PSD3: variants seen among roughly 807,000 people sequenced by gnomAD.
PSD3 encodes pleckstrin and Sec7 domain containing 3.
A neutral mutation model predicts 105.5 loss-of-function variants in PSD3; 49 were observed. The ratio of observed to expected loss-of-function variants is 0.46; its 90% CI spans 0.37 to 0.59. The LOEUF is 0.59. Among genes scored for constraint, PSD3 ranks in the 20% least tolerant of loss-of-function variants. The probability of loss-of-function intolerance (pLI) is 0.00; values close to 1 mark genes in which losing one functional copy is unlikely to be tolerated. For missense variants in PSD3, 1,561 were observed against 1,263.8 expected (o/e 1.24, Z -3.57); for synonymous variants, 557 against 457.8 (o/e 1.22, Z -2.77).
In PSD3 at chr8:18,599,578, G is replaced by A. The variant is rs527835659; in HGVS notation, c.2481+786C>T. 1.1e-3 allele frequency among the ~76,000 whole-genome samples: 172 copies of A among 152,250 alleles called. 1 individual carries two copies. Among genetic ancestry groups the A allele is most frequent in the African/African-American group, 3.9e-3 (160 of 41,552 alleles). ...ATGTATTCTAAGACCCCCAGTGGAC[G>A]CCTGAAATTTTGAATAGTACGAGAC... is the stretch of plus-strand genomic sequence containing the variant. On this transcript the variant is annotated intron_variant, in intron 12 of 15. Coordinates refer to ENST00000327040, the MANE Select transcript of PSD3 (RefSeq NM_015310.4).
chr8:18,544,090 T>C lies in PSD3; in HGVS notation c.2929-8132A>G, dbSNP rs118095656. On this transcript the variant is annotated intron_variant, in intron 15 of 15. Transcript: ENST00000327040. Reference sequence around the variant, plus strand: ...GGCAAAAGGCCATCTTAAGACAAAATGAGCAGAAAAGCAATAATCTCATGT... The same window carrying C: ...GGCAAAAGGCCATCTTAAGACAAAACGAGCAGAAAAGCAATAATCTCATGT... Among the ~76,000 whole-genome samples the C allele has an allele frequency of 3.0e-4, 44 of 144,468 alleles. No individual in the cohort carries two copies. The East Asian group carries it at 8.8e-3, about 29-fold the overall frequency. The allele number at this position is 144,468 out of a possible 152,430, so 94.8% of individuals were successfully genotyped here. A position where few individuals can be genotyped will look rare whatever the true frequency, so the allele number is the denominator to read the frequency against.
rs1183288341 is a variant in PSD3 at position 18,799,368 on chromosome 8, A to G, written c.2024-15T>C. The G allele has an allele frequency of 6.4e-7, 1 of 1,566,708 alleles. No individual in the cohort carries two copies. The highest frequency in any genetic ancestry group is 2.3e-5 in the East Asian group (1 of 43,798). On this transcript the variant is annotated splice_polypyrimidine_tract_variant and intron_variant, in intron 7 of 15. Transcript: ENST00000327040. The stretch of plus-strand genomic sequence containing the variant: ...ATGGACTCCATCTAAAGAAAGATAC[A>G]AGAAAAAAAAGCATGAATTCGCTTT...
At chr8:19,013,423 C>A in intron 1 of PSD3, 140 bp downstream of exon 1, 1 of 1,144,732 alleles carries the variant, frequency 8.7e-7, no homozygotes, top group South Asian at 1.4e-5. Flanking sequence ...AAAATCGCAC[C>A]CTGCACCTAT....
At chr8:18,715,635 C>T (rs1802534012) in intron 9 of PSD3, among the ~76,000 whole-genome samples, 1 of 152,132 alleles carries the variant, frequency 6.6e-6, no homozygotes, top group Non-Finnish European at 1.5e-5. Flanking sequence ...AAGTGTTTCC[C>T]AAACACAGGC....
chr8:18,990,280 T>G (rs1348530913), intron 1 of PSD3, among the ~76,000 whole-genome samples: 3 of 152,252 alleles, frequency 2.0e-5, no homozygotes, highest in Non-Finnish European at 2.9e-5. Flanking sequence ...GTACCCTCCT[T>G]TAGCCGTAAG....
chr8:18,594,792 A>G (rs1803967687), intron 12 of PSD3, among the ~76,000 whole-genome samples: 8 of 152,034 alleles, frequency 5.3e-5, no homozygotes, highest in Admixed American at 5.3e-4. Flanking sequence ...TACTCATGAT[A>G]CCTAATAAAA....
intron 1 of PSD3, among the ~76,000 whole-genome samples, chr8:19,035,297 T>A (rs1827903490): frequency 1.3e-5 from 2 of 152,222 alleles, no homozygotes; most frequent in African/African-American, 4.8e-5. Context: ...CATTTCTGTG[T>A]ATCTCTATTT....
intron 10 of PSD3, among the ~76,000 whole-genome samples, chr8:18,650,988 T>G (rs1304614083): frequency 2.6e-5 from 4 of 152,200 alleles, no homozygotes; most frequent in African/African-American, 9.6e-5. Flanking sequence ...GATGAACACT[T>G]CTTGACTTAA....
chr8:18,564,949 G>C (rs1283664453), intron 14 of PSD3, among the ~76,000 whole-genome samples: 1 of 152,148 alleles, frequency 6.6e-6, no homozygotes, highest in African/African-American at 2.4e-5. Context: ...ACTTTTATAA[G>C]ACAATGGTTG....
chr8:18,807,708 C>G (rs927103811), intron 4 of PSD3, among the ~76,000 whole-genome samples: 2 of 152,168 alleles, frequency 1.3e-5, no homozygotes, highest in African/African-American at 4.8e-5. Flanking sequence ...TTTCCCAATA[C>G]ACATGCCTAC....
At chr8:18,681,282 A>G (rs1018978373) in intron 9 of PSD3, among the ~76,000 whole-genome samples, 1 of 152,080 alleles carries the variant, frequency 6.6e-6, no homozygotes, top group African/African-American at 2.4e-5. Context: ...AAAGAGTCAG[A>G]TAATCAAAAA....
chr8:18,725,472 C>T (rs761115130), intron 9 of PSD3, among the ~76,000 whole-genome samples: 7 of 152,086 alleles, frequency 4.6e-5, no homozygotes, highest in African/African-American at 9.7e-5. Flanking sequence ...TTCCTTCAAG[C>T]GGGCTAGCTT....
chr8:19,064,611 T>G (rs953374298), intron 1 of PSD3, among the ~76,000 whole-genome samples: 22 of 152,228 alleles, frequency 1.4e-4, no homozygotes, highest in African/African-American at 5.1e-4. Context: ...ATTAATCTTC[T>G]GAATGTGATG....
chr8:18,753,696 T>C (rs1032657547), intron 9 of PSD3, among the ~76,000 whole-genome samples: 1 of 152,184 alleles, frequency 6.6e-6, no homozygotes, highest in Non-Finnish European at 1.5e-5. Context: ...CATTTTCTGA[T>C]TGAAGGTAAT....
At chr8:18,627,589 A>G (rs1806581882) in intron 11 of PSD3, among the ~76,000 whole-genome samples, 1 of 152,082 alleles carries the variant, frequency 6.6e-6, no homozygotes, top group Non-Finnish European at 1.5e-5. Context: ...ATTAATGGAA[A>G]TATTTAAATA....
At chr8:18,599,808 G>T (rs1420171014) in intron 12 of PSD3, among the ~76,000 whole-genome samples, 1 of 152,088 alleles carries the variant, frequency 6.6e-6, no homozygotes, top group Non-Finnish European at 1.5e-5. Context: ...GTATTTAAGG[G>T]GCGTCCTGGA....
intron 9 of PSD3, among the ~76,000 whole-genome samples, chr8:18,691,233 C>A (rs1350265744): frequency 6.6e-6 from 1 of 152,142 alleles, no homozygotes; most frequent in East Asian, 1.9e-4. Context: ...CAGTTTTGAA[C>A]CTGGAAAAAA....
chr8:18,685,365 T>TG (rs1800608227), intron 9 of PSD3, among the ~76,000 whole-genome samples: 1 of 152,154 alleles, frequency 6.6e-6, no homozygotes, highest in Admixed American at 6.5e-5. Context: ...GTTTGACCCT[T>TG]GGGTTTTGTT....
chr8:18,609,567 G>A lies in PSD3; in HGVS notation c.2411-9133C>T, dbSNP rs563381458. On this transcript the variant is annotated intron_variant, in intron 11 of 15. Coordinates refer to ENST00000327040, the MANE Select transcript of PSD3 (RefSeq NM_015310.4). ...CAGTGATAGAACTAAACAACTTAAA[G>A]TATCTTTAAAACAAAATCCTTAAAG... Among the ~76,000 whole-genome samples the A allele has an allele frequency of 2.6e-5, 4 of 152,270 alleles. No homozygotes were observed. The East Asian group carries it at 5.8e-4, about 22-fold the overall frequency.
Sources: gnomAD v4.1 joint callset for allele counts (sites outside exome capture counted in the v4.1 genomes callset) on GRCh38, gnomAD v4.1.1 for gene constraint, MANE v1.5 for transcripts, NCBI Gene and HGNC (gene_info 2026-07-23, HGNC 2026-07-21) for gene names.